KCNIP4: variants seen among roughly 807,000 people sequenced by gnomAD.
The protein encoded by KCNIP4 is Kv channel-interacting protein 4.
KCNIP4 carries 12 observed loss-of-function variants against 34.0 expected under a neutral mutation model. That is an observed-to-expected ratio of 0.35 (90% CI 0.23 to 0.57). KCNIP4 has a LOEUF of 0.57. Ranked by LOEUF, KCNIP4 falls within the 20% of genes least tolerant of loss-of-function variation. The probability of loss-of-function intolerance (pLI) is 0.83; values close to 1 mark genes in which losing one functional copy is unlikely to be tolerated. For synonymous variants in KCNIP4, 124 were observed against 102.2 expected, an observed-to-expected ratio of 1.21 and a Z score of -1.29; for missense variants, 238 against 311.7, an observed-to-expected ratio of 0.76 and a Z score of 1.78.
At chr4:21,769,982 G>A (rs868197756) in intron 1 of KCNIP4, among the ~76,000 whole-genome samples, 1 of 150,472 alleles carries the variant, frequency 6.6e-6, no homozygotes, top group Non-Finnish European at 1.5e-5. Context: ...CATACCAGAA[G>A]GTTGTCTTTT....
At chr4:20,962,809 C>T (rs563066669) in intron 1 of KCNIP4, among the ~76,000 whole-genome samples, 5 of 152,118 alleles carry the variant, frequency 3.3e-5, no homozygotes, top group Admixed American at 6.5e-5. Flanking sequence ...CTCAGCTTTA[C>T]GACATTTAAA....
chr4:20,980,297 T>A (rs1352636832), intron 1 of KCNIP4, among the ~76,000 whole-genome samples: 2 of 152,222 alleles, frequency 1.3e-5, no homozygotes, highest in Non-Finnish European at 2.9e-5. Flanking sequence ...GAATTCAATA[T>A]GACAAGATTA....
At chr4:21,591,646 G>C (rs1004184822) in intron 1 of KCNIP4, among the ~76,000 whole-genome samples, 2 of 151,820 alleles carry the variant, frequency 1.3e-5, no homozygotes, top group Non-Finnish European at 2.9e-5. Context: ...TATCTTACTG[G>C]TGACTTCAGT....
intron 1 of KCNIP4, among the ~76,000 whole-genome samples, chr4:21,682,659 G>A (rs1355604310): frequency 5.9e-5 from 9 of 152,156 alleles, no homozygotes; most frequent in Admixed American, 5.2e-4. Context: ...TTAAAAGTGA[G>A]AGATGTGTGA....
At chr4:21,105,617 A>C (rs185472776) in intron 1 of KCNIP4, among the ~76,000 whole-genome samples, 1 of 151,756 alleles carries the variant, frequency 6.6e-6, no homozygotes, top group African/African-American at 2.4e-5. Flanking sequence ...CCCTGGCCAG[A>C]ACTTCCAACA....
chr4:20,825,512 A>G (rs1180070071), intron 3 of KCNIP4, among the ~76,000 whole-genome samples: 1 of 152,168 alleles, frequency 6.6e-6, no homozygotes, highest in Admixed American at 6.5e-5. Context: ...AACCAGGTAG[A>G]GGATCATGAG....
At chr4:21,146,967 G>A (rs993253671) in intron 1 of KCNIP4, among the ~76,000 whole-genome samples, 1 of 151,992 alleles carries the variant, frequency 6.6e-6, no homozygotes, top group African/African-American at 2.4e-5. Context: ...GTATGTATAT[G>A]TATATATATG....
intron 1 of KCNIP4, among the ~76,000 whole-genome samples, chr4:21,059,146 C>A (rs1481488059): frequency 6.6e-6 from 1 of 152,046 alleles, no homozygotes; most frequent in Non-Finnish European, 1.5e-5. Context: ...TTATAAATTA[C>A]CTAGTTTTGG....
At chr4:21,459,225 G>A (rs534528022) in intron 1 of KCNIP4, among the ~76,000 whole-genome samples, 4 of 151,940 alleles carry the variant, frequency 2.6e-5, no homozygotes, top group Non-Finnish European at 5.9e-5. Context: ...TCATAAAAAT[G>A]GCTCTCTTTA....
rs757881129 is a variant in KCNIP4, at chr4:20,802,196, CTA to C, written c.289-43308_289-43307del. Among the ~76,000 whole-genome samples, 769 of 110,510 alleles carry C rather than the reference CTA, an allele frequency of 7.0e-3. 8 individuals are homozygous for C. The highest frequency in any genetic ancestry group is 8.4e-3 in the Non-Finnish European group (463 of 55,378). 72.5% of individuals were successfully genotyped at this position (110,510 alleles called of 152,430 possible). On this transcript the variant is annotated intron_variant, in intron 3 of 8. Transcript: ENST00000382152. ...ATGCTATATATATGCTATATATATG[CTA>C]TATATATATGCTACATATATGCTAT...
intron 1 of KCNIP4, among the ~76,000 whole-genome samples, chr4:21,488,813 C>T (rs1277867558): frequency 2.6e-5 from 4 of 151,948 alleles, no homozygotes; most frequent in Admixed American, 6.6e-5. Flanking sequence ...AAGAGATCTA[C>T]TGAAAATAAG....
intron 1 of KCNIP4, among the ~76,000 whole-genome samples, chr4:21,455,627 T>TG (rs1430377996): frequency 7.2e-6 from 1 of 138,674 alleles, no homozygotes; most frequent in Non-Finnish European, 1.5e-5. Context: ...AACTGAAGGT[T>TG]TTTTTTTTTT....
intron 1 of KCNIP4, among the ~76,000 whole-genome samples, chr4:21,606,281 T>G (rs1743658733): frequency 6.6e-6 from 1 of 152,174 alleles, no homozygotes; most frequent in Non-Finnish European, 1.5e-5. Flanking sequence ...TCGATATGTA[T>G]GGCAAACAGG....
At chr4:21,064,232 T>C (rs1017505693) in intron 1 of KCNIP4, among the ~76,000 whole-genome samples, 2 of 152,164 alleles carry the variant, frequency 1.3e-5, no homozygotes, top group African/African-American at 2.4e-5. Flanking sequence ...GCAAGAAATA[T>C]GATCTTTAGT....
chr4:21,031,054 C>T (rs1167618255), intron 1 of KCNIP4, among the ~76,000 whole-genome samples: 4 of 152,152 alleles, frequency 2.6e-5, no homozygotes, highest in African/African-American at 9.7e-5. Flanking sequence ...TAGGAATTGT[C>T]CATTTCAGGG....
At chr4:20,800,570 C>A (rs1236861633) in intron 3 of KCNIP4, among the ~76,000 whole-genome samples, 1 of 152,020 alleles carries the variant, frequency 6.6e-6, no homozygotes, top group African/African-American at 2.4e-5. Flanking sequence ...AGAAATTCAA[C>A]AGAGAGATAT....
At chr4:21,188,999 C>A (rs943337455) in intron 1 of KCNIP4, among the ~76,000 whole-genome samples, 2 of 152,182 alleles carry the variant, frequency 1.3e-5, no homozygotes, top group Admixed American at 1.3e-4. Flanking sequence ...AAACCTTACA[C>A]ACTCTTTGCA....
intron 1 of KCNIP4, among the ~76,000 whole-genome samples, chr4:21,896,036 C>G (rs554214685): frequency 6.6e-6 from 1 of 152,188 alleles, no homozygotes; most frequent in South Asian, 2.1e-4. Context: ...CATCACTAAC[C>G]CAGGGTTTCA....
intron 1 of KCNIP4, among the ~76,000 whole-genome samples, chr4:21,294,583 G>A (rs1341957672): frequency 6.6e-6 from 1 of 152,100 alleles, no homozygotes; most frequent in African/African-American, 2.4e-5. Context: ...ACAGGGATAT[G>A]CAAAAATTTA....
Sources: allele counts gnomAD v4.1 joint callset (sites outside exome capture counted in the v4.1 genomes callset), GRCh38; gene constraint gnomAD v4.1.1; transcripts MANE v1.5; gene names NCBI Gene and HGNC (gene_info 2026-07-23, HGNC 2026-07-21).